TMEM117: variants seen among roughly 807,000 people sequenced by gnomAD.
The protein encoded by TMEM117 is transmembrane protein 117.
A neutral mutation model predicts 52.4 loss-of-function variants in TMEM117; 27 were observed. That is an observed-to-expected ratio of 0.51 (90% CI 0.38 to 0.71). The LOEUF is 0.71. Among genes scored for constraint, TMEM117 ranks in the 30% least tolerant of loss-of-function variants. The pLI, the probability that TMEM117 is intolerant of heterozygous loss-of-function variation, is 0.00. For missense variants in TMEM117, 556 were observed against 630.5 expected (o/e 0.88, Z 1.26); for synonymous variants, 215 against 206.3 (o/e 1.04, Z -0.36).
At chr12:44,119,585 G>C (rs911595707) in intron 3 of TMEM117, among the ~76,000 whole-genome samples, 2 of 152,110 alleles carry the variant, frequency 1.3e-5, no homozygotes, top group African/African-American at 4.8e-5. Flanking sequence ...GTTGTCCTTT[G>C]TAGTGACTTC....
intron 3 of TMEM117, among the ~76,000 whole-genome samples, chr12:44,129,763 C>T (rs749532563): frequency 6.6e-6 from 1 of 152,116 alleles, no homozygotes; most frequent in South Asian, 2.1e-4. Context: ...AGTTAGAATG[C>T]AGAAAGATAT....
At chr12:44,122,262 T>A (rs1236985927) in intron 3 of TMEM117, among the ~76,000 whole-genome samples, 6 of 152,084 alleles carry the variant, frequency 3.9e-5, no homozygotes, top group African/African-American at 1.4e-4. Context: ...GCCAGGATGG[T>A]CTCAATCTCC....
intron 2 of TMEM117, among the ~76,000 whole-genome samples, chr12:43,849,196 G>A (rs759238826): frequency 2.6e-5 from 4 of 152,190 alleles, no homozygotes; most frequent in Admixed American, 2.6e-4. Context: ...ATAGCGAATG[G>A]GAGTGGGTCA....
At chr12:44,254,784 A>G (rs1950238819) in intron 5 of TMEM117, among the ~76,000 whole-genome samples, 1 of 151,892 alleles carries the variant, frequency 6.6e-6, no homozygotes, top group African/African-American at 2.4e-5. Context: ...CATTAGGTAT[A>G]TCTCCTAAAG....
At chr12:44,303,186 G>A (rs887609721) in intron 6 of TMEM117, among the ~76,000 whole-genome samples, 1 of 151,862 alleles carries the variant, frequency 6.6e-6, no homozygotes, top group African/African-American at 2.4e-5. Context: ...TGGGATTACA[G>A]GCATGCACCA....
intron 3 of TMEM117, among the ~76,000 whole-genome samples, chr12:44,031,439 A>C (rs1946631233): frequency 6.6e-6 from 1 of 152,188 alleles, no homozygotes; most frequent in African/African-American, 2.4e-5. Flanking sequence ...CGACAGGTGC[A>C]TTTAAATGCA....
chr12:44,238,450 T>C (rs1045666146), intron 5 of TMEM117, among the ~76,000 whole-genome samples: 2 of 152,088 alleles, frequency 1.3e-5, no homozygotes, highest in African/African-American at 4.8e-5. Context: ...AGGGATTTTA[T>C]ACATATATCG....
intron 3 of TMEM117, among the ~76,000 whole-genome samples, chr12:44,105,942 TC>T (rs1324076240): frequency 6.6e-6 from 1 of 151,982 alleles, no homozygotes; most frequent in Non-Finnish European, 1.5e-5. Context: ...AAGTAAAACT[TC>T]TAAATTTCGG....
chr12:44,374,514 A>G (rs1427492332), intron 6 of TMEM117, among the ~76,000 whole-genome samples: 4 of 152,100 alleles, frequency 2.6e-5, no homozygotes, highest in African/African-American at 9.7e-5. Context: ...AATCTTCCAG[A>G]TAAAAACTAA....
rs1433488496 is a variant in TMEM117, at chr12:43,902,074, G to T, written c.278-42136G>T. Among the ~76,000 whole-genome samples, 11 of 152,182 alleles carry T rather than the reference G, an allele frequency of 7.2e-5. No individual in the cohort carries two copies. In the East Asian group the frequency reaches 2.1e-3, roughly 29 times the overall value. On this transcript the variant is annotated intron_variant, in intron 2 of 7. Coordinates refer to ENST00000266534, the MANE Select transcript of TMEM117 (RefSeq NM_032256.3). ...GTGAAAATACGCTGTTTGATCAATT[G>T]TGCATTCTGTTAGTGAATTTACAAC...
chr12:44,147,863 C>T (rs1344964253), intron 4 of TMEM117, among the ~76,000 whole-genome samples: 3 of 148,348 alleles, frequency 2.0e-5, no homozygotes, highest in East Asian at 4.0e-4. Context: ...ACCTGGGAGG[C>T]GGAGGTTGCA....
chr12:43,867,022 A>C (rs1943612879), intron 2 of TMEM117, among the ~76,000 whole-genome samples: 1 of 152,150 alleles, frequency 6.6e-6, no homozygotes, highest in South Asian at 2.1e-4. Context: ...CCCAGGAGGC[A>C]GAGGTTGTGG....
intron 5 of TMEM117, among the ~76,000 whole-genome samples, chr12:44,255,286 A>G (rs1243256024): frequency 6.6e-6 from 1 of 152,052 alleles, no homozygotes; most frequent in Non-Finnish European, 1.5e-5. Context: ...AATTTACAAG[A>G]AAAAAACAAA....
At chr12:44,345,568 C>G (rs1196573365) in intron 6 of TMEM117, among the ~76,000 whole-genome samples, 1 of 151,954 alleles carries the variant, frequency 6.6e-6, no homozygotes, top group Non-Finnish European at 1.5e-5. Flanking sequence ...AAATAGATCC[C>G]AAATGATTTG....
chr12:44,206,638 A>G (rs1409338864), intron 4 of TMEM117, among the ~76,000 whole-genome samples: 4 of 152,252 alleles, frequency 2.6e-5, no homozygotes, highest in Non-Finnish European at 5.9e-5. Context: ...AGCCATAAAA[A>G]ATAATGAAAT....
At chr12:44,221,815 C>T (rs1225038808) in intron 5 of TMEM117, among the ~76,000 whole-genome samples, 1 of 152,018 alleles carries the variant, frequency 6.6e-6, no homozygotes, top group African/African-American at 2.4e-5. Context: ...TCTCCTACCT[C>T]AGCCTCCCGA....
intron 3 of TMEM117, chr12:44,008,875 G>A (rs1056450086): frequency 4.8e-6 from 2 of 416,054 alleles, no homozygotes; most frequent in South Asian, 2.0e-5. Flanking sequence ...AGCATTTCCC[G>A]CACCATGAGC....
chr12:43,983,349 T>A (rs1192490854), intron 3 of TMEM117, among the ~76,000 whole-genome samples: 1 of 152,000 alleles, frequency 6.6e-6, no homozygotes, highest in African/African-American at 2.4e-5. Context: ...TTGGCCAAAG[T>A]AAGTCCCATG....
rs562648804 is a variant in TMEM117, at chr12:44,117,395, CT to C, written c.411-26127del. On this transcript the variant is annotated intron_variant, in intron 3 of 7. Transcript: ENST00000266534. Reference sequence around the variant, plus strand: ...TTCTTCAAGGTGTTGCAGTTGTCCTCTTTGATCTTTAGCTATTGCAATGCCT... The same window carrying C: ...TTCTTCAAGGTGTTGCAGTTGTCCTCTTGATCTTTAGCTATTGCAATGCCT... Among the ~76,000 whole-genome samples, 13 of 152,054 alleles carry C rather than the reference CT, an allele frequency of 8.5e-5. 1 individual carries two copies. In the South Asian group the frequency reaches 2.7e-3, roughly 32 times the overall value.
Sources: allele counts gnomAD v4.1 joint callset (sites outside exome capture counted in the v4.1 genomes callset), GRCh38; gene constraint gnomAD v4.1.1; transcripts MANE v1.5; gene names NCBI Gene and HGNC (gene_info 2026-07-23, HGNC 2026-07-21).